The following CHCHD6 variants were observed in gnomAD, a reference collection of about 807,000 sequenced individuals.
The protein encoded by CHCHD6 is MICOS complex subunit MIC25.
In CHCHD6, 28 loss-of-function variants were observed where a neutral mutation model predicts 32.3. The observed-to-expected ratio is 0.87, with a 90% CI of 0.64 to 1.19. CHCHD6 has a LOEUF of 1.19. CHCHD6 is among the 50% of genes most tolerant of loss of function. CHCHD6 has a pLI of 0.00. For synonymous variants in CHCHD6, 122 were observed against 117.5 expected, an observed-to-expected ratio of 1.04 and a Z score of -0.25; for missense variants, 333 against 307.0, an observed-to-expected ratio of 1.08 and a Z score of -0.63.
At chr3:126,924,948 C>G (rs946388352) in intron 6 of CHCHD6, among the ~76,000 whole-genome samples, 1 of 152,218 alleles carries the variant, frequency 6.6e-6, no homozygotes, top group African/African-American at 2.4e-5. Flanking sequence ...GGCTCACTCA[C>G]TTGCTCAGGA....
rs1044214615 is a variant in CHCHD6 at position 126,805,167 on chromosome 3, C to T, written c.412-47480C>T. Among the ~76,000 whole-genome samples, 62 of 152,178 alleles carry T rather than the reference C, an allele frequency of 4.1e-4. 1 individual carries two copies. Among genetic ancestry groups the T allele is most frequent in the South Asian group, 1.9e-3 (9 of 4,808 alleles). ...AGACAGGGATGCCCTCTCTCACCAC[C>T]CCTATTCAACATAGTGTTGGAAGTT... is the stretch of plus-strand genomic sequence containing the variant. On this transcript the variant is annotated intron_variant, in intron 4 of 7. Coordinates refer to ENST00000290913, the MANE Select transcript of CHCHD6 (RefSeq NM_032343.3).
chr3:126,736,478 G>A (rs1023241709), intron 4 of CHCHD6, among the ~76,000 whole-genome samples: 2 of 152,138 alleles, frequency 1.3e-5, no homozygotes, highest in South Asian at 2.1e-4. Flanking sequence ...ACTGAGTGCC[G>A]CTTAATATGT....
chr3:126,885,952 C>G (rs182709634), intron 5 of CHCHD6, among the ~76,000 whole-genome samples: 88 of 152,222 alleles, frequency 5.8e-4, no homozygotes, highest in Admixed American at 1.4e-3. Flanking sequence ...AACCAAGCCT[C>G]CTGAGGAGTC....
At chr3:126,850,636 G>C (rs1941439676) in intron 4 of CHCHD6, among the ~76,000 whole-genome samples, 1 of 152,188 alleles carries the variant, frequency 6.6e-6, no homozygotes, top group Non-Finnish European at 1.5e-5. Flanking sequence ...CAGCTGAAGA[G>C]CCTTATGATG....
chr3:126,957,223 C>T, intron 6 of CHCHD6, 193 bp from the exon 7 acceptor site: 1 of 652,108 alleles, frequency 1.5e-6, no homozygotes, highest in East Asian at 2.7e-5. Flanking sequence ...CACCACAGGG[C>T]TTGACCCTGC....
At chr3:126,827,048 A>G (rs1032081885) in intron 4 of CHCHD6, among the ~76,000 whole-genome samples, 2 of 152,182 alleles carry the variant, frequency 1.3e-5, no homozygotes, top group Admixed American at 6.5e-5. Context: ...GGAGGAAGCT[A>G]TGGTGTGCCA....
At chr3:126,823,903 A>AC (rs1940262001) in intron 4 of CHCHD6, among the ~76,000 whole-genome samples, 1 of 151,570 alleles carries the variant, frequency 6.6e-6, no homozygotes, top group African/African-American at 2.4e-5. Flanking sequence ...ACAAAAACAA[A>AC]AACACACACA....
intron 4 of CHCHD6, among the ~76,000 whole-genome samples, chr3:126,832,793 G>T (rs183308972): frequency 6.6e-6 from 1 of 152,210 alleles, no homozygotes; most frequent in Non-Finnish European, 1.5e-5. Context: ...GGCTGGTGTG[G>T]GACCAGAAAT....
chr3:126,778,349 G>A (rs1937753467), intron 4 of CHCHD6, among the ~76,000 whole-genome samples: 1 of 152,198 alleles, frequency 6.6e-6, no homozygotes, highest in Non-Finnish European at 1.5e-5. Context: ...TGTTGGGACT[G>A]TTTTCCAAAG....
chr3:126,926,919 G>T (rs2078332622), intron 6 of CHCHD6, among the ~76,000 whole-genome samples: 1 of 152,148 alleles, frequency 6.6e-6, no homozygotes, highest in African/African-American at 2.4e-5. Flanking sequence ...TGGGAATACG[G>T]TTGTGAACCG....
intron 4 of CHCHD6, among the ~76,000 whole-genome samples, chr3:126,758,567 G>T (rs1013322558): frequency 6.6e-6 from 1 of 152,136 alleles, no homozygotes; most frequent in Non-Finnish European, 1.5e-5. Context: ...CTCACTAAGC[G>T]GCTGACTTTT....
At chr3:126,788,564 G>T (rs765146656) in intron 4 of CHCHD6, among the ~76,000 whole-genome samples, 5 of 152,188 alleles carry the variant, frequency 3.3e-5, no homozygotes, top group Non-Finnish European at 7.3e-5. Context: ...GAGGGCCTAT[G>T]TGTCCAGGAA....
chr3:126,715,197 G>C (rs1338075897), intron 1 of CHCHD6, among the ~76,000 whole-genome samples: 2 of 152,102 alleles, frequency 1.3e-5, no homozygotes, highest in Non-Finnish European at 2.9e-5. Flanking sequence ...CCTCAGAGCA[G>C]CTCCATGTTA....
At chr3:126,894,936 AAC>A (rs946647079) in intron 5 of CHCHD6, among the ~76,000 whole-genome samples, 3 of 152,228 alleles carry the variant, frequency 2.0e-5, no homozygotes, top group African/African-American at 7.2e-5. Context: ...TGCAAAATTG[AAC>A]ACCTCTTTTC....
At chr3:126,765,488 C>T (rs899330959) in intron 4 of CHCHD6, among the ~76,000 whole-genome samples, 15 of 152,178 alleles carry the variant, frequency 9.9e-5, no homozygotes, top group African/African-American at 3.1e-4. Flanking sequence ...GCCAAGCAAA[C>T]GTGACTAAAG....
intron 4 of CHCHD6, among the ~76,000 whole-genome samples, chr3:126,773,606 T>C (rs1249343823): frequency 1.4e-5 from 2 of 144,742 alleles, no homozygotes; most frequent in Non-Finnish European, 1.5e-5. Flanking sequence ...GCTTTTCTTT[T>C]TTTTTTTTTT....
chr3:126,723,774 T>A lies in CHCHD6; in HGVS notation c.88-3304T>A, dbSNP rs1292092817. ...CACAGTGAGTGTCCTTCCACATGCCTCTGTGTACATGGGGGAGTAGTTTTC... is the reference window on the plus strand; with the variant it reads ...CACAGTGAGTGTCCTTCCACATGCCACTGTGTACATGGGGGAGTAGTTTTC... On this transcript the variant is annotated intron_variant, in intron 1 of 7. Coordinates refer to ENST00000290913, the MANE Select transcript of CHCHD6 (RefSeq NM_032343.3). Among the ~76,000 whole-genome samples, 3 of 152,208 alleles carry A rather than the reference T, an allele frequency of 2.0e-5. No homozygotes were observed. The East Asian group carries it at 5.8e-4, about 29-fold the overall frequency.
chr3:126,889,676 G>A (rs940647430), intron 5 of CHCHD6, among the ~76,000 whole-genome samples: 6 of 152,206 alleles, frequency 3.9e-5, no homozygotes, highest in Non-Finnish European at 4.4e-5. Context: ...TTGCTGCAGG[G>A]TATTCTTGTA....
chr3:126,895,971 G>A (rs1422056636), intron 5 of CHCHD6, among the ~76,000 whole-genome samples: 1 of 152,234 alleles, frequency 6.6e-6, no homozygotes, highest in African/African-American at 2.4e-5. Flanking sequence ...AGAGCTGGGA[G>A]GGCCCTGAGA....
Sources: gnomAD v4.1 joint callset for allele counts (sites outside exome capture counted in the v4.1 genomes callset) on GRCh38, gnomAD v4.1.1 for gene constraint, MANE v1.5 for transcripts, NCBI Gene and HGNC (gene_info 2026-07-23, HGNC 2026-07-21) for gene names.